TBC1D19: variants seen among roughly 807,000 people sequenced by gnomAD.
The protein encoded by TBC1D19 is TBC1 domain family member 19.
TBC1D19 carries 60 observed loss-of-function variants against 89.0 expected under a neutral mutation model. The ratio of observed to expected loss-of-function variants is 0.67; its 90% CI spans 0.55 to 0.84. The LOEUF is 0.84. Among genes scored for constraint, TBC1D19 ranks in the 40% least tolerant of loss-of-function variants. The probability of loss-of-function intolerance (pLI) is 0.00; values close to 1 mark genes in which losing one functional copy is unlikely to be tolerated. For missense variants in TBC1D19, 500 were observed against 610.8 expected, an observed-to-expected ratio of 0.82 and a Z score of 1.91; for synonymous variants, 189 against 199.7, an observed-to-expected ratio of 0.95 and a Z score of 0.45.
At chr4:26,782,339 G>A in the TBC1D19 span, among the ~76,000 whole-genome samples, 5 of 152,194 alleles carry the variant, frequency 3.3e-5, no homozygotes, top group African/African-American at 1.2e-4. Flanking sequence ...CTAGCTTGGG[G>A]TTTTTATCGC....
intron 11 of TBC1D19, among the ~76,000 whole-genome samples, chr4:26,681,355 C>T (rs1018938745): frequency 3.2e-4 from 48 of 151,370 alleles, no homozygotes; most frequent in Non-Finnish European, 6.2e-4. Context: ...CTGGCTAACA[C>T]GGTGAAACCC....
At chr4:26,684,356 G>A (rs1262773502) in intron 12 of TBC1D19, among the ~76,000 whole-genome samples, 1 of 152,126 alleles carries the variant, frequency 6.6e-6, no homozygotes, top group Admixed American at 6.5e-5. Flanking sequence ...AGGTTTGATC[G>A]GACTGGATCC....
At chr4:26,586,298 A>G (rs1739414851) in intron 1 of TBC1D19, among the ~76,000 whole-genome samples, 1 of 151,848 alleles carries the variant, frequency 6.6e-6, no homozygotes, top group Non-Finnish European at 1.5e-5. Flanking sequence ...ACACACACAA[A>G]ATTTCTGGCT....
At chr4:26,792,167 CT>C in the TBC1D19 span, among the ~76,000 whole-genome samples, 244 of 144,338 alleles carry the variant, frequency 1.7e-3, 1 homozygote, top group African/African-American at 4.5e-3. Context: ...AGAATAAACT[CT>C]TTTTTTTTTT....
At chr4:26,594,458 T>G (rs1740059454) in intron 1 of TBC1D19, among the ~76,000 whole-genome samples, 2 of 152,148 alleles carry the variant, frequency 1.3e-5, no homozygotes, top group South Asian at 4.2e-4. Flanking sequence ...AAAAATTAAC[T>G]GCCTGTTTTT....
chr4:26,735,779 G>T (rs530546205), intron 16 of TBC1D19, among the ~76,000 whole-genome samples: 2 of 152,110 alleles, frequency 1.3e-5, no homozygotes, highest in African/African-American at 4.8e-5. Flanking sequence ...GGTGGCTCAC[G>T]CTTGTAATCT....
At chr4:26,821,588 G>T in the TBC1D19 span, among the ~76,000 whole-genome samples, 1 of 152,202 alleles carries the variant, frequency 6.6e-6, no homozygotes, top group South Asian at 2.1e-4. Context: ...CCTAGATCTT[G>T]GACCTGGAAA....
the TBC1D19 span, among the ~76,000 whole-genome samples, chr4:26,792,045 A>G: frequency 6.6e-6 from 1 of 152,230 alleles, no homozygotes; most frequent in East Asian, 1.9e-4. Context: ...GAACCAGCAA[A>G]GGAGGCTGAA....
At chr4:26,737,628 T>G (rs1313456221) in intron 16 of TBC1D19, among the ~76,000 whole-genome samples, 3 of 152,122 alleles carry the variant, frequency 2.0e-5, no homozygotes, top group African/African-American at 7.2e-5. Flanking sequence ...GCAAAATGTT[T>G]GATATGGAAT....
intron 19 of TBC1D19, among the ~76,000 whole-genome samples, chr4:26,749,431 A>T (rs184576959): frequency 6.8e-6 from 1 of 146,090 alleles, no homozygotes; most frequent in Non-Finnish European, 1.5e-5. Flanking sequence ...TAGGTATCAT[A>T]TTAACATATT....
chr4:26,689,882 A>C (rs1714123165), intron 13 of TBC1D19, among the ~76,000 whole-genome samples: 1 of 152,152 alleles, frequency 6.6e-6, no homozygotes, highest in African/African-American at 2.4e-5. Flanking sequence ...TGGAAGTTAC[A>C]TGTCTCTGGC....
the TBC1D19 span, among the ~76,000 whole-genome samples, chr4:26,839,481 TTTCCTTCTTTATTTAGTTAAAGAA>T: frequency 9.2e-5 from 14 of 152,120 alleles, no homozygotes; most frequent in Non-Finnish European, 1.9e-4. Context: ...TTCATGTTAC[TTTCCTTCTTTATTTAGTTAAAGAA>T]GATGTGTGGG....
In TBC1D19 at chr4:26,590,796, G is replaced by GTTTTT. The variant is rs869124166; in HGVS notation, c.99+6531_99+6535dup. On this transcript the variant is annotated intron_variant, in intron 1 of 20. Transcript: ENST00000264866. ...GGTTCACTCTTTGTCTTGCAGGTCT[G>GTTTTT]TTTTTTTTTTTTTTTTTTTTTTTTT... 7.2e-3 allele frequency among the ~76,000 whole-genome samples: 382 copies of GTTTTT among 52,910 alleles called. 50 individuals carry two copies. Among genetic ancestry groups the GTTTTT allele is most frequent in the African/African-American group, 0.026 (312 of 11,996 alleles). The allele number at this position is 52,910 out of a possible 152,430, so 34.7% of individuals were successfully genotyped here. A position where few individuals can be genotyped will look rare whatever the true frequency, so the allele number is the denominator to read the frequency against.
chr4:26,808,594 T>C, the TBC1D19 span, among the ~76,000 whole-genome samples: 1 of 151,904 alleles, frequency 6.6e-6, no homozygotes, highest in African/African-American at 2.4e-5. Flanking sequence ...CCAGGCGTGA[T>C]GGCAGGCACC....
the TBC1D19 span, among the ~76,000 whole-genome samples, chr4:26,782,696 C>T: frequency 6.6e-6 from 1 of 151,644 alleles, no homozygotes; most frequent in African/African-American, 2.4e-5. Flanking sequence ...TTTATTTATT[C>T]ATATTCTAGA....
chr4:26,732,971 A>C (rs182945453), intron 15 of TBC1D19, among the ~76,000 whole-genome samples: 13 of 152,346 alleles, frequency 8.5e-5, no homozygotes, highest in Non-Finnish European at 1.8e-4. Context: ...ACACTTGAAA[A>C]GGGAGGAAAT....
At chr4:26,626,322 C>T (rs1382502062) in intron 4 of TBC1D19, among the ~76,000 whole-genome samples, 1 of 152,068 alleles carries the variant, frequency 6.6e-6, no homozygotes, top group African/African-American at 2.4e-5. Flanking sequence ...CTTTGCTACG[C>T]CCTTCAGTGA....
intron 4 of TBC1D19, among the ~76,000 whole-genome samples, chr4:26,632,392 A>G (rs867386239): frequency 2.6e-5 from 4 of 151,386 alleles, no homozygotes; most frequent in African/African-American, 7.3e-5. Flanking sequence ...TATTCTTATA[A>G]TAAGGAATAC....
At chr4:26,602,528 G>A (rs1419335228) in intron 1 of TBC1D19, among the ~76,000 whole-genome samples, 9 of 137,834 alleles carry the variant, frequency 6.5e-5, no homozygotes, top group African/African-American at 1.3e-4. Context: ...TGCAAGCGCC[G>A]CCTCCGGGTT....
Sources: gnomAD v4.1 joint callset for allele counts (sites outside exome capture counted in the v4.1 genomes callset) on GRCh38, gnomAD v4.1.1 for gene constraint, MANE v1.5 for transcripts, NCBI Gene and HGNC (gene_info 2026-07-23, HGNC 2026-07-21) for gene names.